The following PLXNC1 variants were observed in gnomAD, a reference collection of about 807,000 sequenced individuals.
PLXNC1 encodes plexin C1.
A neutral mutation model predicts 178.2 loss-of-function variants in PLXNC1; 75 were observed. The ratio of observed to expected loss-of-function variants is 0.42; its 90% CI spans 0.35 to 0.51. The LOEUF is 0.51. PLXNC1 is among the 20% of genes least tolerant of loss of function. PLXNC1 has a pLI of 0.02. For synonymous variants in PLXNC1, 790 were observed against 779.9 expected (o/e 1.01, Z -0.22); for missense variants, 1,503 against 1,984.4 (o/e 0.76, Z 4.61).
chr12:94,265,441 G>A (rs896721821), intron 21 of PLXNC1, among the ~76,000 whole-genome samples: 2 of 152,178 alleles, frequency 1.3e-5, no homozygotes, highest in Non-Finnish European at 2.9e-5. Flanking sequence ...TTGTAATGAT[G>A]CCTGGGGTAC....
rs770962418 is a variant in PLXNC1 at position 94,247,973 on chromosome 12, C to G, written c.2459C>G (p.Thr820Arg). ...APSLKSSKVR[T>R]NVTVKLRVQD... ...AGTTTAAAGAGTTCAAAAGTGCGCA[C>G]GAATGTCACTGTGAAGCTGAGAGTA... Residue 820 changes from threonine (T) to arginine (R), a missense_variant, in exon 13 of 31, where the codon ACG (threonine) becomes AGG (arginine). Physicochemically the swap from Thr to Arg is moderately conservative, Grantham distance 71. Around this residue, in one of 4 missense-constraint regions of PLXNC1, gnomAD observed 639 missense variants for 979.7 expected, o/e 0.65. Transcript: ENST00000258526. 2.5e-6 allele frequency: 4 copies of G among 1,613,956 alleles called. No homozygotes were observed. The highest frequency in any genetic ancestry group is 3.3e-5 in the Admixed American group (2 of 59,992).
At chr12:94,185,960 A>G in intron 3 of PLXNC1, 1 of 173,458 alleles carries the variant, frequency 5.8e-6, no homozygotes, top group Non-Finnish European at 1.3e-5. Flanking sequence ...GAGCTCTTAA[A>G]ATACAGATTC....
chr12:94,200,146 T>C (rs1255600375), intron 4 of PLXNC1, among the ~76,000 whole-genome samples: 1 of 152,212 alleles, frequency 6.6e-6, no homozygotes, highest in Non-Finnish European at 1.5e-5. Context: ...GACCTCAGCC[T>C]CCGTGCTACT....
At chr12:94,252,626 C>T (rs1282823388) in intron 15 of PLXNC1, among the ~76,000 whole-genome samples, 3 of 152,160 alleles carry the variant, frequency 2.0e-5, no homozygotes, top group Admixed American at 2.0e-4. Flanking sequence ...TAGTGATTCA[C>T]ATTTGGAAAC....
chr12:94,296,960 C>T (rs543228334), intron 24 of PLXNC1, among the ~76,000 whole-genome samples: 54 of 152,262 alleles, frequency 3.5e-4, no homozygotes, highest in African/African-American at 1.3e-3. Flanking sequence ...GATCAGAGAT[C>T]ACTAGGGAAT....
intron 5 of PLXNC1, among the ~76,000 whole-genome samples, 197 bp from the exon 6 acceptor site, chr12:94,219,819 A>ATTTGTTTG (rs35723097): frequency 3.4e-5 from 5 of 146,392 alleles, no homozygotes; most frequent in Middle Eastern, 3.2e-3. Context: ...TTATTTATTT[A>ATTTGTTTG]TTTATTTATT....
In PLXNC1 at chr12:94,209,722, A is replaced by C. The variant is rs767735297; in HGVS notation, c.1554+18A>C. ...AAGAAAAGGTAAGAGGAAAGATTTT[A>C]ATTTGTCCTCGTTGTATTGTCTCAT... On this transcript the variant is annotated intron_variant, in intron 5 of 30. Transcript: ENST00000258526. 44 of 1,438,834 alleles carry C rather than the reference A, an allele frequency of 3.1e-5. 1 individual carries two copies. In the Admixed American group the frequency reaches 7.2e-4, roughly 24 times the overall value. 89.1% of individuals were successfully genotyped at this position (1,438,834 alleles called of 1,614,324 possible).
At chr12:94,190,828 G>T (rs1190136850) in intron 4 of PLXNC1, among the ~76,000 whole-genome samples, 7 of 152,174 alleles carry the variant, frequency 4.6e-5, no homozygotes, top group Non-Finnish European at 1.0e-4. Flanking sequence ...CTGCCCCAGG[G>T]CCTTTGCATG....
At chr12:94,221,072 G>T (rs1213021646) in intron 6 of PLXNC1, among the ~76,000 whole-genome samples, 2 of 152,244 alleles carry the variant, frequency 1.3e-5, no homozygotes, top group African/African-American at 4.8e-5. Flanking sequence ...GTTTAAGCCG[G>T]AGGCTGGCAG....
In PLXNC1 at chr12:94,305,478, GTGGGAACCCTTC is replaced by G; in HGVS notation, c.*196_*207del. ...CAACCCTTGTGCCTGTGTGTATACC[GTGGGAACCCTTC>G]TGTAAATAGAGTTGAAGTGGTTGTT... On this transcript the variant is annotated 3_prime_UTR_variant, in exon 31 of 31. Coordinates refer to ENST00000258526, the MANE Select transcript of PLXNC1 (RefSeq NM_005761.3). 1 of 518,804 alleles carries G rather than the reference GTGGGAACCCTTC, an allele frequency of 1.9e-6. No individual in the cohort carries two copies. The highest frequency in any genetic ancestry group is 3.4e-6 in the Non-Finnish European group (1 of 290,980). The allele number at this position is 518,804 out of a possible 1,614,324, so 32.1% of individuals were successfully genotyped here.
At chr12:94,200,978 A>G (rs1963097965) in intron 4 of PLXNC1, among the ~76,000 whole-genome samples, 1 of 152,210 alleles carries the variant, frequency 6.6e-6, no homozygotes, top group Non-Finnish European at 1.5e-5. Context: ...ACTGAAACAC[A>G]GACAAGAATT....
intron 1 of PLXNC1, chr12:94,158,014 A>G (rs573439035): frequency 1.2e-4 from 18 of 152,346 alleles, no homozygotes; most frequent in African/African-American, 3.8e-4. Context: ...GCCGTTTGAA[A>G]AACAGGCAAC....
Position 94,207,923 on chromosome 12 carries a change from A to AT in PLXNC1, c.1440-1656dup, listed in dbSNP as rs397957456. Among the ~76,000 whole-genome samples, 229 of 147,914 alleles carry AT rather than the reference A, an allele frequency of 1.5e-3. 2 individuals are homozygous for AT. The highest frequency in any genetic ancestry group is 0.011 in the Admixed American group (168 of 14,812). ...ACTCCAGTCTCTTCGGAATTGGCTT[A>AT]TTTTTTTTTTTCTTATAGGCAGAGG... On this transcript the variant is annotated intron_variant, in intron 4 of 30. Transcript: ENST00000258526.
intron 2 of PLXNC1, among the ~76,000 whole-genome samples, chr12:94,177,198 TAC>T (rs1165706230): frequency 0.032 from 1,195 of 37,838 alleles, 23 homozygotes; most frequent in South Asian, 0.07. Context: ...TATATATATA[TAC>T]GTATATATAT....
At position 94,209,579 on chromosome 12, in the gene PLXNC1, C is replaced by T. The variant is rs182441712; in HGVS notation, c.1440-11C>T. 13 of 1,550,778 alleles carry T rather than the reference C, an allele frequency of 8.4e-6. No individual in the cohort carries two copies. The African/African-American group carries it at 9.5e-5, about 11-fold the overall frequency. ...GTATGGGGTCGCTGTTTTGTTGCCT[C>T]GTTTTTTTAGGTGCACTTTTCAAGG... is the stretch of plus-strand genomic sequence containing the variant. On this transcript the variant is annotated splice_polypyrimidine_tract_variant and intron_variant, in intron 4 of 30. Coordinates refer to ENST00000258526, the MANE Select transcript of PLXNC1 (RefSeq NM_005761.3).
In PLXNC1 at chr12:94,237,731, C is replaced by G. The variant is rs747710169; in HGVS notation, c.2048C>G (p.Thr683Arg). ...TTAGGGAAAAGCAACGTGATAGTAA[C>G]GGGAGCAAACTTTACCCGGGCATCG... Reference protein sequence around the residue: ...STLGKSNVIVTGANFTRASNI... With the variant: ...STLGKSNVIVRGANFTRASNI... Residue 683 changes from threonine to arginine, a missense_variant, in exon 10 of 31, where the codon ACG (threonine) becomes AGG (arginine). By Grantham distance (71) the Thr-to-Arg change is moderately conservative. Coordinates refer to ENST00000258526, the MANE Select transcript of PLXNC1 (RefSeq NM_005761.3). 67 of 1,613,592 alleles carry G rather than the reference C, an allele frequency of 4.2e-5. No individual in the cohort carries two copies. The East Asian group carries it at 1.4e-3, about 35-fold the overall frequency.
chr12:94,221,908 G>A (rs956952340), intron 6 of PLXNC1, among the ~76,000 whole-genome samples: 20 of 152,146 alleles, frequency 1.3e-4, no homozygotes, highest in African/African-American at 4.8e-4. Context: ...CTATCACATT[G>A]GGTATTAGAT....
chr12:94,278,146 C>CA (rs11341959), intron 21 of PLXNC1: 35 of 390,518 alleles, frequency 9.0e-5, no homozygotes, highest in South Asian at 1.4e-4. Context: ...TCCTTAAAAC[C>CA]AAAAAAAACA....
In PLXNC1 at chr12:94,286,764, CT is replaced by C. The variant is rs1966849046; in HGVS notation, c.3879+4364del. On this transcript the variant is annotated intron_variant, in intron 23 of 30. Coordinates refer to ENST00000258526, the MANE Select transcript of PLXNC1 (RefSeq NM_005761.3). ...AGTGACGGCCAGTTCCTCCTACTAT[CT>C]AAACAAAGTCCCTGCTGTTGGAGAG... Among the ~76,000 whole-genome samples, 3 of 152,204 alleles carry C rather than the reference CT, an allele frequency of 2.0e-5. No individual in the cohort carries two copies. In the South Asian group the frequency reaches 6.2e-4, roughly 32 times the overall value.
Sources: gnomAD v4.1 joint callset for allele counts (sites outside exome capture counted in the v4.1 genomes callset) on GRCh38, gnomAD v4.1.1 for gene constraint, gnomAD v4.1.1 regional missense constraint, MANE v1.5 for transcripts, NCBI Gene and HGNC (gene_info 2026-07-23, HGNC 2026-07-21) for gene names.